Variants in TAS2R1 observed in about 807,000 individuals in gnomAD.
The protein encoded by TAS2R1 is taste receptor type 2 member 1.
For missense variants in TAS2R1, 370 were observed against 353.4 expected (o/e 1.05, Z -0.38); for synonymous variants, 141 against 134.2 (o/e 1.05, Z -0.35).
the TAS2R1 span, among the ~76,000 whole-genome samples, chr5:9,725,687 C>T: frequency 0.1 from 15,512 of 152,242 alleles, 1,000 homozygotes; most frequent in Middle Eastern, 0.15. Context: ...CCAGCCCCAC[C>T]GACCACCCAA....
At chr5:9,723,779 C>G in the TAS2R1 span, among the ~76,000 whole-genome samples, 1 of 152,206 alleles carries the variant, frequency 6.6e-6, no homozygotes, top group Non-Finnish European at 1.5e-5. Flanking sequence ...GGCATGATGA[C>G]CAGTTGTGCT....
chr5:9,732,936 A>AT, the TAS2R1 span, among the ~76,000 whole-genome samples: 1 of 152,094 alleles, frequency 6.6e-6, no homozygotes, highest in African/African-American at 2.4e-5. Flanking sequence ...GAAACCTTGT[A>AT]TTTTTTTCTC....
At chr5:9,676,121 CTTTTA>C (rs1393146047) in intron 1 of TAS2R1, among the ~76,000 whole-genome samples, 1 of 151,682 alleles carries the variant, frequency 6.6e-6, no homozygotes, top group Non-Finnish European at 1.5e-5. Context: ...TGATTTTTAC[CTTTTA>C]TTTTATTAAT....
chr5:9,852,745 A>G, the TAS2R1 span, among the ~76,000 whole-genome samples: 1 of 152,174 alleles, frequency 6.6e-6, no homozygotes, highest in Non-Finnish European at 1.5e-5. Flanking sequence ...CACAGCACTG[A>G]TACCCCTGTA....
intron 1 of TAS2R1, among the ~76,000 whole-genome samples, chr5:9,700,639 GT>G (rs1440973078): frequency 4.6e-5 from 7 of 152,186 alleles, no homozygotes; most frequent in African/African-American, 1.7e-4. Context: ...CACAGATGGA[GT>G]GGCTTAAATT....
At chr5:9,853,570 G>A in the TAS2R1 span, among the ~76,000 whole-genome samples, 1 of 152,098 alleles carries the variant, frequency 6.6e-6, no homozygotes, top group South Asian at 2.1e-4. Flanking sequence ...GGTACTTTGG[G>A]TGCCTCTTCC....
chr5:9,769,581 C>T, the TAS2R1 span, among the ~76,000 whole-genome samples: 40 of 152,096 alleles, frequency 2.6e-4, no homozygotes, highest in African/African-American at 9.7e-4. Context: ...TTTGTTATTG[C>T]CTGTCTTTTG....
At chr5:9,714,428 A>G (rs113870809), upstream of TAS2R1, among the ~76,000 whole-genome samples, 1 of 152,208 alleles carries the variant, frequency 6.6e-6, no homozygotes, top group African/African-American at 2.4e-5. Flanking sequence ...GCTGTGATGA[A>G]GCACAGAACG....
chr5:9,867,069 AGG>A, the TAS2R1 span: 1 of 152,212 alleles, frequency 6.6e-6, no homozygotes, highest in African/African-American at 2.4e-5. Context: ...TCACCATTAC[AGG>A]GAATTCCAGA....
chr5:9,774,639 T>C, the TAS2R1 span, among the ~76,000 whole-genome samples: 1 of 152,264 alleles, frequency 6.6e-6, no homozygotes, highest in African/African-American at 2.4e-5. Context: ...TAGCCATATC[T>C]GCATTAGGGG....
chr5:9,886,057 AG>A, the TAS2R1 span, among the ~76,000 whole-genome samples: 1 of 146,778 alleles, frequency 6.8e-6, no homozygotes, highest in African/African-American at 2.5e-5. Flanking sequence ...TTGGAGACGG[AG>A]TCTTGCTCTG....
the TAS2R1 span, among the ~76,000 whole-genome samples, chr5:9,835,737 C>T: frequency 1.3e-5 from 2 of 152,270 alleles, no homozygotes; most frequent in South Asian, 2.1e-4. Context: ...GGGTTCAAAT[C>T]CCTGCTGGGC....
the TAS2R1 span, among the ~76,000 whole-genome samples, chr5:9,845,446 T>A: frequency 6.6e-6 from 1 of 152,152 alleles, no homozygotes; most frequent in African/African-American, 2.4e-5. Context: ...CAAGTGAAAG[T>A]AGTTTCTGGG....
chr5:9,678,189 C>T (rs938256524), intron 1 of TAS2R1, among the ~76,000 whole-genome samples: 1 of 152,060 alleles, frequency 6.6e-6, no homozygotes, highest in African/African-American at 2.4e-5. Flanking sequence ...AAAACCTCAA[C>T]ATCACTGATC....
At chr5:9,770,662 T>C in the TAS2R1 span, among the ~76,000 whole-genome samples, 11 of 152,216 alleles carry the variant, frequency 7.2e-5, no homozygotes, top group Admixed American at 4.6e-4. Flanking sequence ...TTTGTAGCTA[T>C]TGTAAATGTG....
the TAS2R1 span, among the ~76,000 whole-genome samples, chr5:9,830,741 C>T: frequency 1.3e-5 from 2 of 152,178 alleles, no homozygotes; most frequent in Non-Finnish European, 2.9e-5. Context: ...CATTTCTCTG[C>T]TATCCCCAAC....
intron 1 of TAS2R1, among the ~76,000 whole-genome samples, chr5:9,662,403 G>A (rs1028396402): frequency 6.6e-6 from 1 of 152,184 alleles, no homozygotes. Context: ...GCCACGCAGA[G>A]CATGCTGTGC....
At chr5:9,719,889 G>GC in the TAS2R1 span, among the ~76,000 whole-genome samples, 2 of 136,426 alleles carry the variant, frequency 1.5e-5, no homozygotes, top group African/African-American at 5.6e-5. Flanking sequence ...CTGCACTCCA[G>GC]CCTGGGCGAC....
chr5:9,893,547 A>T, the TAS2R1 span, among the ~76,000 whole-genome samples: 1 of 152,038 alleles, frequency 6.6e-6, no homozygotes, highest in Non-Finnish European at 1.5e-5. Context: ...CCACTTCAAA[A>T]TTTTTTTTAA....
Sources: allele counts gnomAD v4.1 joint callset (sites outside exome capture counted in the v4.1 genomes callset), GRCh38; gene constraint gnomAD v4.1.1; transcripts MANE v1.5; gene names NCBI Gene and HGNC (gene_info 2026-07-23, HGNC 2026-07-21).